MARCHF1: variants seen among roughly 807,000 people sequenced by gnomAD.
The protein encoded by MARCHF1 is E3 ubiquitin-protein ligase MARCHF1.
A neutral mutation model predicts 54.2 loss-of-function variants in MARCHF1; 40 were observed. The ratio of observed to expected loss-of-function variants is 0.74; its 90% confidence interval spans 0.57 to 0.96. The LOEUF (loss-of-function observed/expected upper bound fraction) is 0.96, where lower values mean the gene tolerates loss of function less well. MARCHF1 is among the 40% of genes least tolerant of loss of function. MARCHF1 has a pLI of 0.00. For synonymous variants in MARCHF1, 236 were observed against 236.3 expected (o/e 1.00, Z 0.01); for missense variants, 586 against 656.5 (o/e 0.89, Z 1.17).
At chr4:163,862,837 G>T (rs1334881169) in intron 3 of MARCHF1, among the ~76,000 whole-genome samples, 4 of 151,956 alleles carry the variant, frequency 2.6e-5, no homozygotes, top group African/African-American at 7.2e-5. Flanking sequence ...TAGGTGAATG[G>T]ATAAACAAAT....
chr4:164,017,429 C>A (rs535045245), intron 2 of MARCHF1, among the ~76,000 whole-genome samples: 1 of 152,010 alleles, frequency 6.6e-6, no homozygotes, highest in South Asian at 2.1e-4. Flanking sequence ...GTCTAATGAA[C>A]CTCACAGAAA....
chr4:163,985,322 C>G (rs554313495), intron 3 of MARCHF1, among the ~76,000 whole-genome samples: 15 of 152,198 alleles, frequency 9.9e-5, no homozygotes, highest in Non-Finnish European at 8.8e-5. Flanking sequence ...AAACCTACAT[C>G]CCTTCTCTAA....
At chr4:163,942,404 A>T (rs1476513714) in intron 3 of MARCHF1, among the ~76,000 whole-genome samples, 1 of 152,190 alleles carries the variant, frequency 6.6e-6, no homozygotes, top group Non-Finnish European at 1.5e-5. Flanking sequence ...CCATGATGAT[A>T]AGGAGAATTG....
At chr4:163,654,939 GC>G (rs1366620154) in intron 5 of MARCHF1, among the ~76,000 whole-genome samples, 1 of 151,146 alleles carries the variant, frequency 6.6e-6, no homozygotes, top group African/African-American at 2.4e-5. Flanking sequence ...CTTCTTACTG[GC>G]CATGCTTCTT....
At chr4:164,019,496 T>A (rs1173170692) in intron 2 of MARCHF1, among the ~76,000 whole-genome samples, 1 of 152,096 alleles carries the variant, frequency 6.6e-6, no homozygotes, top group Admixed American at 6.6e-5. Flanking sequence ...GAAAACCCCA[T>A]TGTTGAGGGA....
intron 5 of MARCHF1, among the ~76,000 whole-genome samples, chr4:163,635,522 T>C (rs7442057): frequency 0.86 from 118,565 of 138,110 alleles, 51,444 homozygotes; most frequent in African/African-American, 0.96. Flanking sequence ...TTGACACATA[T>C]ACTCTCCCAA....
chr4:164,171,737 C>G (rs1730531046), intron 1 of MARCHF1, among the ~76,000 whole-genome samples: 1 of 152,080 alleles, frequency 6.6e-6, no homozygotes, highest in African/African-American at 2.4e-5. Context: ...TTTCTGTCAT[C>G]CAAATGCCTC....
intron 3 of MARCHF1, among the ~76,000 whole-genome samples, chr4:163,935,054 G>C (rs1751764670): frequency 6.6e-6 from 1 of 152,100 alleles, no homozygotes; most frequent in Admixed American, 6.6e-5. Context: ...CAGAATCGGT[G>C]TTGTGTTAAC....
At chr4:164,038,210 A>T (rs1754050113) in intron 2 of MARCHF1, among the ~76,000 whole-genome samples, 1 of 152,180 alleles carries the variant, frequency 6.6e-6, no homozygotes, top group South Asian at 2.1e-4. Flanking sequence ...TTAAAAAATA[A>T]AGGCCAGGAA....
At chr4:164,207,667 G>A (rs937806804) in intron 1 of MARCHF1, among the ~76,000 whole-genome samples, 37 of 152,142 alleles carry the variant, frequency 2.4e-4, no homozygotes, top group African/African-American at 8.4e-4. Flanking sequence ...CCACAGCAGC[G>A]AAGCCAAGGC....
At chr4:163,852,406 C>T (rs1002603718) in intron 4 of MARCHF1, among the ~76,000 whole-genome samples, 1 of 152,130 alleles carries the variant, frequency 6.6e-6, no homozygotes, top group Non-Finnish European at 1.5e-5. Context: ...GTAATTTTTT[C>T]TTACTTAAAA....
rs988632155 is a variant in MARCHF1 at position 163,854,181 on chromosome 4, T to A, written c.-38-12A>T. The A allele has an allele frequency of 6.7e-7, 1 of 1,496,874 alleles. No homozygotes were observed. Among genetic ancestry groups the A allele is most frequent in the East Asian group, 2.5e-5 (1 of 40,078 alleles). The allele number at this position is 1,496,874 out of a possible 1,614,324, so 92.7% of individuals were successfully genotyped here. A position where few individuals can be genotyped will look rare whatever the true frequency, so the allele number is the denominator to read the frequency against. ...CAATTTCTGAAATTCTGAAAATAAT[T>A]TACATTCCCTGAAACAGGTCACTTA... On this transcript the variant is annotated splice_polypyrimidine_tract_variant and intron_variant, in intron 3 of 9. Transcript: ENST00000514618.
Position 163,731,082 on chromosome 4 carries a change from T to C in MARCHF1, c.112-30219A>G, listed in dbSNP as rs183996312. Among the ~76,000 whole-genome samples, 285 of 152,312 alleles carry C rather than the reference T, an allele frequency of 1.9e-3. 2 individuals are homozygous for C. Among genetic ancestry groups the C allele is most frequent in the African/African-American group, 6.7e-3 (277 of 41,556 alleles). On this transcript the variant is annotated intron_variant, in intron 4 of 9. Coordinates refer to ENST00000514618, the MANE Select transcript of MARCHF1 (RefSeq NM_001394959.1). ...AAACAATAGGATAAACATTTCTTAATTCATAACTCTGATAAACATTAATTA... is the reference window on the plus strand; with the variant it reads ...AAACAATAGGATAAACATTTCTTAACTCATAACTCTGATAAACATTAATTA...
At chr4:163,898,060 C>A (rs1480881607) in intron 3 of MARCHF1, among the ~76,000 whole-genome samples, 162 of 81,844 alleles carry the variant, frequency 2.0e-3, no homozygotes, top group Middle Eastern at 0.01. Flanking sequence ...GACTCCGTCT[C>A]AAAAAAAAAA....
intron 4 of MARCHF1, among the ~76,000 whole-genome samples, chr4:163,803,780 A>G (rs1477305813): frequency 6.6e-6 from 1 of 152,200 alleles, no homozygotes; most frequent in East Asian, 1.9e-4. Context: ...TTTGATCCCA[A>G]TAGTCAAGAG....
intron 2 of MARCHF1, among the ~76,000 whole-genome samples, chr4:164,000,410 C>T (rs1753163456): frequency 6.6e-6 from 1 of 151,652 alleles, no homozygotes; most frequent in African/African-American, 2.4e-5. Flanking sequence ...AATTAATTCA[C>T]TACCCTCAAA....
chr4:164,050,869 G>A lies in MARCHF1; in HGVS notation c.-248+60719C>T, dbSNP rs531371314. On this transcript the variant is annotated intron_variant, in intron 2 of 9. Coordinates refer to ENST00000514618, the MANE Select transcript of MARCHF1 (RefSeq NM_001394959.1). ...AATCACTTGAACCCAGGAGGCGGAG[G>A]TTGCGGTGAGCCGAGATTGTGCCAT... Among the ~76,000 whole-genome samples the A allele has an allele frequency of 7.8e-4, 119 of 152,214 alleles. 2 individuals carry two copies. In the South Asian group the frequency reaches 0.024, roughly 31 times the overall value.
At chr4:163,925,327 T>C (rs1751514377) in intron 3 of MARCHF1, among the ~76,000 whole-genome samples, 1 of 151,848 alleles carries the variant, frequency 6.6e-6, no homozygotes, top group Non-Finnish European at 1.5e-5. Context: ...CAAGTTTACC[T>C]CACTTTATAA....
chr4:164,115,494 G>A (rs1755921544), intron 1 of MARCHF1, among the ~76,000 whole-genome samples: 1 of 152,082 alleles, frequency 6.6e-6, no homozygotes, highest in Non-Finnish European at 1.5e-5. Context: ...ATTTGGCAGA[G>A]ACCATAGTAA....
Sources: gnomAD v4.1 joint callset for allele counts (sites outside exome capture counted in the v4.1 genomes callset) on GRCh38, gnomAD v4.1.1 for gene constraint, MANE v1.5 for transcripts, NCBI Gene and HGNC (gene_info 2026-07-23, HGNC 2026-07-21) for gene names.